The following FGF12 variants were observed in gnomAD, a reference collection of about 807,000 sequenced individuals.
FGF12 encodes fibroblast growth factor 12B.
Under a neutral mutation model 23.6 loss-of-function variants are expected in FGF12, and 14 were observed. The ratio of observed to expected loss-of-function variants is 0.59; its 90% CI spans 0.39 to 0.93. The LOEUF (loss-of-function observed/expected upper bound fraction) is 0.93, where lower values mean the gene tolerates loss of function less well. Ranked by LOEUF, FGF12 falls within the 40% of genes least tolerant of loss-of-function variation. FGF12 has a pLI of 0.00. For synonymous variants in FGF12, 62 were observed against 77.3 expected, an observed-to-expected ratio of 0.80 and a Z score of 1.04; for missense variants, 175 against 217.8, an observed-to-expected ratio of 0.80 and a Z score of 1.24.
chr3:192,148,304 T>C (rs1231933234), intron 5 of FGF12, among the ~76,000 whole-genome samples: 1 of 152,338 alleles, frequency 6.6e-6, no homozygotes, highest in Non-Finnish European at 1.5e-5. Flanking sequence ...TGACACATAC[T>C]ACAACATGAA....
intron 4 of FGF12, among the ~76,000 whole-genome samples, chr3:192,241,430 A>C (rs1719612441): frequency 6.6e-6 from 1 of 152,186 alleles, no homozygotes. Flanking sequence ...AACACTACAA[A>C]GATTATGTAA....
At chr3:192,311,002 A>T (rs1410846208) in intron 4 of FGF12, among the ~76,000 whole-genome samples, 1 of 152,208 alleles carries the variant, frequency 6.6e-6, no homozygotes, top group Non-Finnish European at 1.5e-5. Flanking sequence ...GTATTACTTT[A>T]AAAAATGTAA....
At chr3:192,199,019 T>C (rs1310556070) in intron 4 of FGF12, among the ~76,000 whole-genome samples, 3 of 152,240 alleles carry the variant, frequency 2.0e-5, no homozygotes, top group Non-Finnish European at 4.4e-5. Context: ...CAGAATAATC[T>C]TTAGTAGTAA....
At chr3:192,200,740 C>T (rs545293711) in intron 4 of FGF12, among the ~76,000 whole-genome samples, 2 of 152,154 alleles carry the variant, frequency 1.3e-5, no homozygotes, top group East Asian at 3.9e-4. Context: ...GGAATGGGGA[C>T]AAGATGCTAT....
In FGF12 at chr3:192,644,378, G is replaced by A. The variant is rs1401965629; in HGVS notation, c.13+82803C>T. Reference sequence around the variant, plus strand: ...CCAGCCCTCTCTCCAGCCACTCTAGGCTAAAACCCCTGTTGTCGTATATTT... The same window carrying A: ...CCAGCCCTCTCTCCAGCCACTCTAGACTAAAACCCCTGTTGTCGTATATTT... On this transcript the variant is annotated intron_variant, in intron 2 of 5. Transcript: ENST00000445105. Among the ~76,000 whole-genome samples the A allele has an allele frequency of 2.0e-5, 3 of 151,962 alleles. No homozygotes were observed. The East Asian group carries it at 5.8e-4, about 29-fold the overall frequency.
At position 192,514,247 on chromosome 3, in the gene FGF12, G is replaced by A. The variant is rs1724586427; in HGVS notation, c.14-153709C>T. 6.6e-6 allele frequency among the ~76,000 whole-genome samples: 1 copy of A among 152,198 alleles called. No homozygotes were observed. The highest frequency in any genetic ancestry group is 6.5e-5 in the Admixed American group (1 of 15,280). On this transcript the variant is annotated intron_variant, in intron 2 of 5. Transcript: ENST00000445105. This position sits in a 1 kb window ranked among gnomAD's most constrained non-coding sequence, Gnocchi z 4.9. ...AAGAAAAAGAAAATATACCTGCCTTGCCAGCCATCTGTTTAAAAGTCCCCT... is the reference window on the plus strand; with the variant it reads ...AAGAAAAAGAAAATATACCTGCCTTACCAGCCATCTGTTTAAAAGTCCCCT...
intron 4 of FGF12, among the ~76,000 whole-genome samples, chr3:192,171,905 C>T (rs1560177922): frequency 7.2e-6 from 1 of 139,040 alleles, no homozygotes; most frequent in Admixed American, 7.4e-5. Context: ...TCCCTCTCTC[C>T]TTTTTTTTCT....
rs577301390 is a variant in FGF12 at position 192,724,573 on chromosome 3, C to T, written c.13+2608G>A. 9.2e-5 allele frequency among the ~76,000 whole-genome samples: 14 copies of T among 152,330 alleles called. No homozygotes were observed. The South Asian group carries it at 2.9e-3, about 32-fold the overall frequency. ...ACAAATTCCGTCAGAGCTGCTCGGA[C>T]TGCGTACCAACCCAAATCTTTGAGA... On this transcript the variant is annotated intron_variant, in intron 2 of 5. Coordinates refer to ENST00000445105, the MANE Select transcript of FGF12 (RefSeq NM_004113.6).
chr3:192,681,053 G>A (rs1288798787), intron 2 of FGF12, among the ~76,000 whole-genome samples: 2 of 152,180 alleles, frequency 1.3e-5, no homozygotes, highest in Non-Finnish European at 2.9e-5. Flanking sequence ...GAATATACTT[G>A]TAAACATTTT....
chr3:192,516,492 G>C (rs1477752777), intron 2 of FGF12: 5 of 152,180 alleles, frequency 3.3e-5, no homozygotes, highest in African/African-American at 1.2e-4. Context: ...CTAAACATTC[G>C]CGGTTCCACT....
chr3:192,722,015 T>G (rs1438207258), intron 2 of FGF12, among the ~76,000 whole-genome samples: 3 of 152,196 alleles, frequency 2.0e-5, no homozygotes, highest in Non-Finnish European at 1.5e-5. Flanking sequence ...CATATATCCC[T>G]ACATTGTAAG....
intron 2 of FGF12, among the ~76,000 whole-genome samples, chr3:192,453,063 G>C (rs1247940822): frequency 3.3e-5 from 5 of 152,028 alleles, no homozygotes; most frequent in Admixed American, 3.3e-4. Context: ...GTTGGATCTA[G>C]CTTAGATATT....
intron 2 of FGF12, among the ~76,000 whole-genome samples, chr3:192,591,574 A>C (rs1713626449): frequency 6.6e-6 from 1 of 151,912 alleles, no homozygotes. Flanking sequence ...CCTTTACCTC[A>C]ACAAGGCCCT....
At chr3:192,233,559 C>T (rs1424079977) in intron 4 of FGF12, among the ~76,000 whole-genome samples, 5 of 152,144 alleles carry the variant, frequency 3.3e-5, no homozygotes, top group Admixed American at 1.3e-4. Flanking sequence ...AATTAGGTCT[C>T]GCTTAATCCA....
intron 2 of FGF12, among the ~76,000 whole-genome samples, chr3:192,389,131 A>G (rs1720183700): frequency 6.6e-6 from 1 of 152,182 alleles, no homozygotes; most frequent in South Asian, 2.1e-4. Flanking sequence ...AGGCCGAGGC[A>G]GGCGGATCAC....
At chr3:192,431,638 G>T (rs781589271) in intron 2 of FGF12, among the ~76,000 whole-genome samples, 6 of 152,164 alleles carry the variant, frequency 3.9e-5, no homozygotes, top group African/African-American at 1.4e-4. Flanking sequence ...GGGTTGGAAG[G>T]TCAAGTTGCC....
At chr3:192,303,538 T>C (rs1446260867) in intron 4 of FGF12, among the ~76,000 whole-genome samples, 3 of 152,184 alleles carry the variant, frequency 2.0e-5, no homozygotes, top group Non-Finnish European at 4.4e-5. Context: ...CACAAGATAA[T>C]TACTAAGAGA....
At chr3:192,159,908 G>A (rs1435012506) in intron 5 of FGF12, among the ~76,000 whole-genome samples, 2 of 151,860 alleles carry the variant, frequency 1.3e-5, no homozygotes, top group African/African-American at 2.4e-5. Flanking sequence ...CAGTACTAGG[G>A]GATTACAAGT....
At chr3:192,258,014 T>C (rs1185041349) in intron 4 of FGF12, among the ~76,000 whole-genome samples, 1 of 119,360 alleles carries the variant, frequency 8.4e-6, no homozygotes, top group South Asian at 3.6e-4. Flanking sequence ...AAGGTAGTGG[T>C]AAAATTTAAA....
Sources: allele counts gnomAD v4.1 joint callset (sites outside exome capture counted in the v4.1 genomes callset), GRCh38; gene constraint gnomAD v4.1.1; non-coding constraint Gnocchi (gnomAD v3.1); transcripts MANE v1.5; gene names NCBI Gene and HGNC (gene_info 2026-07-23, HGNC 2026-07-21).